The following RYR3 variants were observed in gnomAD, a reference collection of about 807,000 sequenced individuals.
The protein encoded by RYR3 is brain ryanodine receptor-calcium release channel.
In RYR3, 207 loss-of-function variants were observed where a neutral mutation model predicts 584.3. The ratio of observed to expected loss-of-function variants is 0.35; its 90% confidence interval spans 0.32 to 0.40. The LOEUF is 0.40. RYR3 is among the 10% of genes least tolerant of loss of function. The pLI is 1.00. For synonymous variants in RYR3, 2,416 were observed against 2,248.5 expected (o/e 1.07, Z -2.11); for missense variants, 5,616 against 6,089.2 (o/e 0.92, Z 2.59).
At chr15:33,630,078 A>G (rs778042509) in intron 22 of RYR3, 35 bp downstream of exon 22, 2 of 1,180,974 alleles carry the variant, frequency 1.7e-6, no homozygotes, top group Admixed American at 4.2e-5. Flanking sequence ...TTTACAAACA[A>G]TGAATAGATG....
chr15:33,562,630 C>A (rs2057469656), intron 10 of RYR3, among the ~76,000 whole-genome samples: 1 of 152,116 alleles, frequency 6.6e-6, no homozygotes, highest in Admixed American at 6.5e-5. Context: ...ACTGAAGTAA[C>A]CAGAACTCGA....
At chr15:33,615,104 T>G (rs1464926912) in intron 19 of RYR3, among the ~76,000 whole-genome samples, 1 of 152,220 alleles carries the variant, frequency 6.6e-6, no homozygotes, top group East Asian at 1.9e-4. Flanking sequence ...TCAGCCATTC[T>G]TCATCCCTGT....
chr15:33,564,901 A>G (rs755263931), intron 11 of RYR3, among the ~76,000 whole-genome samples: 1 of 152,240 alleles, frequency 6.6e-6, no homozygotes, highest in Admixed American at 6.5e-5. Context: ...CCTAAGAAGC[A>G]TGTTAAGTGC....
chr15:33,739,491 C>A (rs2069847569), intron 50 of RYR3, among the ~76,000 whole-genome samples: 1 of 148,490 alleles, frequency 6.7e-6, no homozygotes, highest in African/African-American at 2.5e-5. Context: ...CTGTGACCAT[C>A]CTTAGCAGAC....
intron 64 of RYR3, 60 bp from the exon 65 acceptor site, chr15:33,780,151 C>T: frequency 5.7e-6 from 9 of 1,587,762 alleles, no homozygotes; most frequent in Non-Finnish European, 7.7e-6. Flanking sequence ...GCCTGATCTG[C>T]CAATGCATGG....
At chr15:33,631,088 G>A (rs1278251361) in intron 22 of RYR3, 122 bp from the exon 23 acceptor site, 2 of 603,746 alleles carry the variant, frequency 3.3e-6, no homozygotes, top group African/African-American at 3.8e-5. Context: ...TACAGAAAAA[G>A]TCTACTGACC....
At chr15:33,802,103 T>C (rs752554311) in intron 69 of RYR3, 142 bp downstream of exon 69, 1 of 772,544 alleles carries the variant, frequency 1.3e-6, no homozygotes, top group Non-Finnish European at 2.4e-6. Flanking sequence ...TGCTGTTTCT[T>C]TGAGAACGAG....
At chr15:33,414,887 C>T (rs979138940) in intron 1 of RYR3, among the ~76,000 whole-genome samples, 3 of 152,190 alleles carry the variant, frequency 2.0e-5, no homozygotes, top group African/African-American at 7.2e-5. Context: ...GCCACCGCGC[C>T]GGCCTTAATA....
intron 2 of RYR3, among the ~76,000 whole-genome samples, chr15:33,494,038 A>G (rs1424742330): frequency 6.6e-6 from 1 of 152,168 alleles, no homozygotes; most frequent in Non-Finnish European, 1.5e-5. Flanking sequence ...CTGTTGATCA[A>G]TGTCAATTAA....
chr15:33,823,141 G>T, intron 81 of RYR3, 69 bp downstream of exon 81: 1 of 1,341,578 alleles, frequency 7.5e-7, no homozygotes, highest in Non-Finnish European at 1.0e-6. Flanking sequence ...CAGGGGAAGG[G>T]GAGCACAAAA....
chr15:33,719,531 C>G (rs1428836014), intron 43 of RYR3, among the ~76,000 whole-genome samples: 1 of 151,884 alleles, frequency 6.6e-6, no homozygotes, highest in Non-Finnish European at 1.5e-5. Flanking sequence ...TGGGTTTTTT[C>G]CTCCATTTTT....
chr15:33,465,013 A>G (rs1336962261), intron 1 of RYR3, among the ~76,000 whole-genome samples: 1 of 152,216 alleles, frequency 6.6e-6, no homozygotes, highest in African/African-American at 2.4e-5. Flanking sequence ...AGCTGATTTC[A>G]GCTAGCATAA....
intron 16 of RYR3, among the ~76,000 whole-genome samples, chr15:33,589,572 C>A (rs917412004): frequency 2.0e-5 from 3 of 152,128 alleles, no homozygotes; most frequent in African/African-American, 7.2e-5. Flanking sequence ...AGATTTACTT[C>A]TAGGATTTTC....
At position 33,859,586 on chromosome 15, in the gene RYR3, C is replaced by T; in HGVS notation, c.14154C>T (p.Phe4718=). 1 of 1,613,924 alleles carries T rather than the reference C, an allele frequency of 6.2e-7. No individual in the cohort carries two copies. Residue 4718 remains phenylalanine (F), a synonymous_variant, in exon 100 of 104, where the codon TTC becomes TTT. Transcript: ENST00000634891. ...TTTTTCTTCTCTAGTGTTACCTTTTCCACATGTACGTGGGAGTGAGAGCAG... is the reference window on the plus strand; with the variant it reads ...TTTTTCTTCTCTAGTGTTACCTTTTTCACATGTACGTGGGAGTGAGAGCAG... ...KCDDMMTCYL[F]HMYVGVRAGG... is the part of the protein sequence containing the mutation.
At chr15:33,312,530 C>A (rs980452054) in intron 1 of RYR3, among the ~76,000 whole-genome samples, 2 of 152,134 alleles carry the variant, frequency 1.3e-5, no homozygotes, top group African/African-American at 4.8e-5. Context: ...CTCATGACAA[C>A]CCTATTGTTA....
chr15:33,564,536 C>T (rs1384575263), intron 11 of RYR3, among the ~76,000 whole-genome samples: 1 of 152,160 alleles, frequency 6.6e-6, no homozygotes, highest in Non-Finnish European at 1.5e-5. Context: ...TCTATTCTTA[C>T]CAGCCTATCA....
intron 38 of RYR3, among the ~76,000 whole-genome samples, chr15:33,687,712 G>A (rs1292926908): frequency 6.6e-6 from 1 of 152,146 alleles, no homozygotes; most frequent in Non-Finnish European, 1.5e-5. Flanking sequence ...TACCAAAACA[G>A]ATATATAGAC....
chr15:33,646,411 T>C lies in RYR3; in HGVS notation c.3826T>C (p.Phe1276Leu), dbSNP rs1380345754. The C allele has an allele frequency of 3.7e-6, 6 of 1,613,736 alleles. No individual in the cohort carries two copies. The highest frequency in any genetic ancestry group is 2.7e-5 in the African/African-American group (2 of 74,898). Residue 1276 changes from phenylalanine (F) to leucine (L), a missense_variant, in exon 29 of 104, where the codon TTT (phenylalanine) becomes CTT (leucine). Phe to Leu is a conservative substitution (Grantham distance 22). This residue lies in a region of RYR3 where 753 missense variants were observed against 741.0 expected (regional missense o/e 1.02). Coordinates refer to ENST00000634891, the MANE Select transcript of RYR3 (RefSeq NM_001036.6). ...PPCLKVTHKT[F>L]GTQNSNADMI... ...GTGTCTCAAGGTGACGCATAAGACA[T>C]TTGGCACACAGAATAGCAATGCCGA...
chr15:33,810,222 A>G (rs1047318116), intron 70 of RYR3, among the ~76,000 whole-genome samples: 1 of 152,224 alleles, frequency 6.6e-6, no homozygotes, highest in Non-Finnish European at 1.5e-5. Context: ...TGAGTGAGCA[A>G]TAGGCGTCGG....
Sources: allele counts gnomAD v4.1 joint callset (sites outside exome capture counted in the v4.1 genomes callset), GRCh38; gene constraint gnomAD v4.1.1; regional missense constraint gnomAD v4.1.1; transcripts MANE v1.5; gene names NCBI Gene and HGNC (gene_info 2026-07-23, HGNC 2026-07-21).